Variants in CACNA1C observed in about 807,000 individuals in gnomAD.
The protein encoded by CACNA1C is calcium voltage-gated channel subunit alpha1 C.
CACNA1C carries 30 observed loss-of-function variants against 229.0 expected under a neutral mutation model. The ratio of observed to expected loss-of-function variants is 0.13; its 90% CI spans 0.10 to 0.18. The LOEUF is 0.18. Among genes scored for constraint, CACNA1C ranks in the 10% least tolerant of loss-of-function variants. CACNA1C has a pLI of 1.00. For missense variants in CACNA1C, 1,658 were observed against 2,845.0 expected, an observed-to-expected ratio of 0.58 and a Z score of 9.49; for synonymous variants, 1,114 against 1,132.5, an observed-to-expected ratio of 0.98 and a Z score of 0.33.
chr12:2,590,037 C>T (rs1175662149), intron 18 of CACNA1C, among the ~76,000 whole-genome samples: 1 of 152,204 alleles, frequency 6.6e-6, no homozygotes, highest in Non-Finnish European at 1.5e-5. Context: ...ACCAACCAGG[C>T]ACTCCCTTCA....
intron 3 of CACNA1C, among the ~76,000 whole-genome samples, chr12:2,341,775 C>CA (rs1489743923): frequency 5.3e-5 from 8 of 152,174 alleles, no homozygotes; most frequent in Non-Finnish European, 1.0e-4. Context: ...GGGTAACTGA[C>CA]TGGTTGATAA....
At chr12:2,065,320 T>TA (rs1251595588) in intron 1 of CACNA1C, among the ~76,000 whole-genome samples, 3 of 152,314 alleles carry the variant, frequency 2.0e-5, no homozygotes, top group African/African-American at 7.2e-5. Context: ...GACCAGGAGA[T>TA]AAGAAGCCTT....
At chr12:2,415,685 C>A (rs2098879763) in intron 3 of CACNA1C, among the ~76,000 whole-genome samples, 1 of 152,164 alleles carries the variant, frequency 6.6e-6, no homozygotes, top group Admixed American at 6.5e-5. Flanking sequence ...AGTTACAGCC[C>A]TGTGTGTTCG....
At chr12:2,220,226 C>T (rs776646223) in intron 3 of CACNA1C, among the ~76,000 whole-genome samples, 4 of 152,182 alleles carry the variant, frequency 2.6e-5, no homozygotes, top group Non-Finnish European at 2.9e-5. Flanking sequence ...CTCTGCTCAA[C>T]TCCTTTGAGC....
chr12:2,578,227 G>A (rs1222291468), intron 13 of CACNA1C, among the ~76,000 whole-genome samples: 1 of 152,204 alleles, frequency 6.6e-6, no homozygotes, highest in Non-Finnish European at 1.5e-5. Flanking sequence ...GAGATGTGAG[G>A]CCTGAAGGAG....
chr12:2,500,343 C>T (rs1033146227), intron 7 of CACNA1C, among the ~76,000 whole-genome samples: 3 of 152,116 alleles, frequency 2.0e-5, no homozygotes, highest in East Asian at 1.9e-4. Context: ...TTGTGTGTGG[C>T]GCAGAAGAAA....
At chr12:2,658,387 AC>A (rs2095530908) in intron 34 of CACNA1C, among the ~76,000 whole-genome samples, 2 of 152,236 alleles carry the variant, frequency 1.3e-5, no homozygotes, top group South Asian at 2.1e-4. Context: ...CCAATGACAG[AC>A]TGCCTAAAAT....
intron 3 of CACNA1C, among the ~76,000 whole-genome samples, chr12:2,395,698 G>A (rs1029792289): frequency 6.6e-6 from 1 of 152,112 alleles, no homozygotes; most frequent in African/African-American, 2.4e-5. Flanking sequence ...CCTTTTTCCA[G>A]TCTGAGGCTT....
intron 5 of CACNA1C, among the ~76,000 whole-genome samples, chr12:2,466,721 C>T (rs1322497561): frequency 6.6e-6 from 1 of 152,186 alleles, no homozygotes; most frequent in East Asian, 1.9e-4. Flanking sequence ...CCCGGACAAG[C>T]CTGGAGACCT....
chr12:2,200,289 C>CGAAG (rs1232133406), intron 3 of CACNA1C, among the ~76,000 whole-genome samples: 1 of 152,152 alleles, frequency 6.6e-6, no homozygotes, highest in Non-Finnish European at 1.5e-5. Context: ...GTAAATCCTT[C>CGAAG]AGCAGACTCT....
intron 3 of CACNA1C, among the ~76,000 whole-genome samples, chr12:2,330,217 A>G (rs2096497917): frequency 6.6e-6 from 1 of 152,148 alleles, no homozygotes; most frequent in African/African-American, 2.4e-5. Flanking sequence ...ACGTAGGTCA[A>G]TGCCATGGGG....
intron 30 of CACNA1C, among the ~76,000 whole-genome samples, chr12:2,636,245 G>A (rs1472073784): frequency 2.6e-5 from 4 of 152,228 alleles, no homozygotes; most frequent in South Asian, 2.1e-4. Flanking sequence ...AAAGGTGACC[G>A]CAAGCTGCCC....
At chr12:2,261,231 C>CAAA (rs776152609) in intron 3 of CACNA1C, among the ~76,000 whole-genome samples, 1 of 120,832 alleles carries the variant, frequency 8.3e-6, no homozygotes, top group African/African-American at 3.1e-5. Flanking sequence ...GACTCCGTCT[C>CAAA]AAAAAAAAAA....
chr12:2,545,400 G>GC (rs937639604), intron 9 of CACNA1C, among the ~76,000 whole-genome samples: 1 of 151,884 alleles, frequency 6.6e-6, no homozygotes, highest in Non-Finnish European at 1.5e-5. Context: ...ACTTCCCATG[G>GC]CCTGCCATTA....
In CACNA1C at chr12:2,327,324, C is replaced by T. The variant is rs116299849; in HGVS notation, c.478-121652C>T. 1.9e-4 allele frequency among the ~76,000 whole-genome samples: 29 copies of T among 152,308 alleles called. No individual in the cohort carries two copies. The South Asian group carries it at 5.0e-3, about 26-fold the overall frequency. ...ACGTATACTTCCTTTGCAGATCTTA[C>T]GAAATGAAACACACTGCCAGGCATC... On this transcript the variant is annotated intron_variant, in intron 3 of 46. Coordinates refer to ENST00000399655, the MANE Select transcript of CACNA1C (RefSeq NM_000719.7).
intron 9 of CACNA1C, among the ~76,000 whole-genome samples, chr12:2,547,198 T>C (rs1310841985): frequency 6.6e-6 from 1 of 152,254 alleles, no homozygotes; most frequent in African/African-American, 2.4e-5. Flanking sequence ...CCTGGAGTAA[T>C]TCCTTCTCTC....
intron 3 of CACNA1C, among the ~76,000 whole-genome samples, chr12:2,192,284 T>G (rs891682520): frequency 6.6e-6 from 1 of 152,186 alleles, no homozygotes; most frequent in Non-Finnish European, 1.5e-5. Flanking sequence ...TTCTTGCCCT[T>G]TCCACCTCTC....
At chr12:2,567,482 G>T in intron 12 of CACNA1C, 87 bp from the exon 13 acceptor site, 1 of 795,202 alleles carries the variant, frequency 1.3e-6, no homozygotes, top group Admixed American at 2.5e-5. Context: ...TTTTCCAATG[G>T]AGATAATTAC....
intron 7 of CACNA1C, among the ~76,000 whole-genome samples, chr12:2,495,963 C>T (rs1255966714): frequency 6.6e-6 from 1 of 152,222 alleles, no homozygotes; most frequent in Non-Finnish European, 1.5e-5. Context: ...CCTTCTTCCT[C>T]CCTCTCCCTC....
Sources: allele counts gnomAD v4.1 joint callset (sites outside exome capture counted in the v4.1 genomes callset), GRCh38; gene constraint gnomAD v4.1.1; transcripts MANE v1.5; gene names NCBI Gene and HGNC (gene_info 2026-07-23, HGNC 2026-07-21).